The following CALN1 variants were observed in gnomAD, a reference collection of about 807,000 sequenced individuals.
CALN1 encodes calneuron 1, also known as calcium-binding protein 8.
CALN1 carries 17 observed loss-of-function variants against 30.6 expected under a neutral mutation model. That is an observed-to-expected ratio of 0.56 (90% CI 0.38 to 0.83). The LOEUF (loss-of-function observed/expected upper bound fraction) is 0.83, where lower values mean the gene tolerates loss of function less well. Ranked by LOEUF, CALN1 falls within the 40% of genes least tolerant of loss-of-function variation. The pLI, the probability that CALN1 is intolerant of heterozygous loss-of-function variation, is 0.00. For synonymous variants in CALN1, 156 were observed against 131.4 expected (o/e 1.19, Z -1.28); for missense variants, 291 against 354.9 (o/e 0.82, Z 1.45).
intron 2 of CALN1, among the ~76,000 whole-genome samples, chr7:72,362,202 C>G (rs1251689368): frequency 6.6e-6 from 1 of 152,140 alleles, no homozygotes; most frequent in East Asian, 1.9e-4. Flanking sequence ...TAAAGATGTT[C>G]ACAGCTTCGT....
At chr7:71,988,040 A>C (rs2129527605) in intron 5 of CALN1, among the ~76,000 whole-genome samples, 1 of 152,246 alleles carries the variant, frequency 6.6e-6, no homozygotes, top group South Asian at 2.1e-4. Context: ...AGGTGTCAGC[A>C]AACAGTCTGC....
At chr7:71,924,755 A>T (rs945945070) in intron 5 of CALN1, among the ~76,000 whole-genome samples, 1 of 152,210 alleles carries the variant, frequency 6.6e-6, no homozygotes, top group Non-Finnish European at 1.5e-5. Context: ...GCCTGAAAAC[A>T]GTATTCTCCT....
At chr7:71,933,351 A>G (rs747166627) in intron 5 of CALN1, among the ~76,000 whole-genome samples, 18 of 152,058 alleles carry the variant, frequency 1.2e-4, no homozygotes, top group Non-Finnish European at 2.2e-4. Context: ...CTGCCTCCTC[A>G]AGCCTGCTTA....
At chr7:72,338,977 T>G in intron 2 of CALN1, among the ~76,000 whole-genome samples, 1 of 24,036 alleles carries the variant, frequency 4.2e-5, no homozygotes, top group African/African-American at 1.6e-4. Context: ...CCCCTCACCC[T>G]TCCCAACCTC....
At chr7:71,987,324 C>G (rs775435572) in intron 5 of CALN1, among the ~76,000 whole-genome samples, 1 of 152,216 alleles carries the variant, frequency 6.6e-6, no homozygotes, top group Non-Finnish European at 1.5e-5. Flanking sequence ...GGCTTCAGGA[C>G]AGGGGCCCGT....
At chr7:71,954,159 A>G (rs1332171135) in intron 5 of CALN1, among the ~76,000 whole-genome samples, 2 of 152,080 alleles carry the variant, frequency 1.3e-5, no homozygotes, top group African/African-American at 4.8e-5. Flanking sequence ...CATCATCTCT[A>G]TGAGAAATTT....
the CALN1 span, among the ~76,000 whole-genome samples, chr7:72,483,389 A>G: frequency 6.7e-6 from 1 of 148,328 alleles, no homozygotes; most frequent in African/African-American, 2.5e-5. Context: ...GGTTCAAGTG[A>G]TTCTCCTATC....
intron 5 of CALN1, among the ~76,000 whole-genome samples, chr7:72,001,450 T>C (rs1799523974): frequency 6.6e-6 from 1 of 152,192 alleles, no homozygotes; most frequent in Non-Finnish European, 1.5e-5. Context: ...TACTGTACAC[T>C]GTATACACAT....
chr7:72,403,525 A>C, intron 1 of CALN1, 83 bp from the exon 2 acceptor site: 1 of 541,710 alleles, frequency 1.8e-6, no homozygotes, highest in Non-Finnish European at 3.2e-6. Flanking sequence ...AATAATTCAC[A>C]CCCTCCCTTC....
chr7:72,344,990 T>C (rs902211281), intron 2 of CALN1, among the ~76,000 whole-genome samples: 1 of 146,908 alleles, frequency 6.8e-6, no homozygotes, highest in Non-Finnish European at 1.5e-5. Flanking sequence ...TTTATAAAAA[T>C]AATGATATAT....
chr7:72,501,746 T>TA, the CALN1 span, among the ~76,000 whole-genome samples: 858 of 149,934 alleles, frequency 5.7e-3, 11 homozygotes, highest in African/African-American at 0.019. Context: ...ACATCTGTAC[T>TA]AAAAATATAA....
intron 5 of CALN1, among the ~76,000 whole-genome samples, chr7:71,817,379 T>C (rs1346501936): frequency 2.0e-5 from 3 of 152,212 alleles, no homozygotes; most frequent in Non-Finnish European, 2.9e-5. Context: ...TTCGTCACCT[T>C]TTTCTGTTGT....
chr7:71,863,451 C>T (rs536536214), intron 5 of CALN1, among the ~76,000 whole-genome samples: 7 of 144,906 alleles, frequency 4.8e-5, no homozygotes, highest in Non-Finnish European at 7.5e-5. Context: ...CCAGCTACTC[C>T]GGAGGCTGAG....
the CALN1 span, among the ~76,000 whole-genome samples, chr7:72,456,329 C>T: frequency 1.1e-3 from 171 of 151,790 alleles, 1 homozygote; most frequent in Non-Finnish European, 1.8e-3. Context: ...TCTAGACCAG[C>T]CTGGACAACA....
intron 3 of CALN1, among the ~76,000 whole-genome samples, chr7:72,185,676 A>AG: frequency 6.6e-6 from 1 of 152,252 alleles, no homozygotes; most frequent in East Asian, 1.9e-4. Context: ...GTGTTGTGGG[A>AG]GGGACACAGT....
At chr7:72,462,433 C>A in the CALN1 span, among the ~76,000 whole-genome samples, 1 of 152,184 alleles carries the variant, frequency 6.6e-6, no homozygotes, top group Non-Finnish European at 1.5e-5. Context: ...AGTCTTCCCA[C>A]CTCAGCCTCC....
intron 5 of CALN1, among the ~76,000 whole-genome samples, chr7:71,889,709 C>T (rs1280172500): frequency 6.6e-6 from 1 of 152,184 alleles, no homozygotes; most frequent in East Asian, 1.9e-4. Flanking sequence ...AATCCCAGCA[C>T]TTTGGGAGGC....
rs140596974 is a variant in CALN1, at chr7:71,887,390, G to T, written c.502-76898C>A. On this transcript the variant is annotated intron_variant, in intron 5 of 6. Coordinates refer to ENST00000395275, the MANE Select transcript of CALN1 (RefSeq NM_031468.4). ...GGCTTACCGCAACCTCCACTTCCTG[G>T]GTTCAAGCAATTCTCCTGCCTCAGC... Among the ~76,000 whole-genome samples the T allele has an allele frequency of 3.2e-3, 488 of 152,282 alleles. 1 individual carries two copies. The highest frequency in any genetic ancestry group is 0.01 in the African/African-American group (430 of 41,548).
chr7:71,997,903 C>T (rs1799332190), intron 5 of CALN1, among the ~76,000 whole-genome samples: 1 of 152,132 alleles, frequency 6.6e-6, no homozygotes, highest in Admixed American at 6.5e-5. Flanking sequence ...TCACTGCAAA[C>T]TCTGCCTCCA....
Sources: gnomAD v4.1 joint callset for allele counts (sites outside exome capture counted in the v4.1 genomes callset) on GRCh38, gnomAD v4.1.1 for gene constraint, MANE v1.5 for transcripts, NCBI Gene and HGNC (gene_info 2026-07-23, HGNC 2026-07-21) for gene names.